The following ARAP1 variants were observed in gnomAD, a reference collection of about 807,000 sequenced individuals.
ARAP1 encodes ArfGAP with RhoGAP domain, ankyrin repeat and PH domain 1.
Under a neutral mutation model 172.2 loss-of-function variants are expected in ARAP1, and 76 were observed. The observed-to-expected ratio is 0.44, with a 90% CI of 0.37 to 0.53. The LOEUF is 0.53. Among genes scored for constraint, ARAP1 ranks in the 20% least tolerant of loss-of-function variants. The pLI, the probability that ARAP1 is intolerant of heterozygous loss-of-function variation, is 0.00. For missense variants in ARAP1, 1,686 were observed against 1,977.5 expected, an observed-to-expected ratio of 0.85 and a Z score of 2.80; for synonymous variants, 804 against 803.3, an observed-to-expected ratio of 1.00 and a Z score of -0.01.
At chr11:72,736,312 G>A (rs867204523) in intron 1 of ARAP1, among the ~76,000 whole-genome samples, 1 of 145,268 alleles carries the variant, frequency 6.9e-6, no homozygotes, top group African/African-American at 2.6e-5. Context: ...GCATGATCAT[G>A]GCTCACTGCA....
rs1857860429 is a variant in ARAP1 at position 72,731,321 on chromosome 11, T to A, written c.-45+1194A>T. ...TTGGAGGTGGACCTAGTGGGAGGTG[T>A]CTGGGGTCACGGGGACAGATCCCTC... On this transcript the variant is annotated intron_variant, in intron 2 of 34. Transcript: ENST00000393609. Among the ~76,000 whole-genome samples the A allele has an allele frequency of 2.6e-5, 4 of 152,164 alleles. No homozygotes were observed. In the South Asian group the frequency reaches 8.3e-4, roughly 32 times the overall value.
At chr11:72,696,689 C>T (rs999351006) in intron 22 of ARAP1, 35 bp from the exon 23 acceptor site, 1 of 1,523,212 alleles carries the variant, frequency 6.6e-7, no homozygotes, top group Admixed American at 1.9e-5. Flanking sequence ...CAGAAACCCC[C>T]TGTAACTATC....
chr11:72,702,782 A>G, intron 15 of ARAP1, 123 bp downstream of exon 15: 1 of 1,254,826 alleles, frequency 8.0e-7, no homozygotes, highest in Non-Finnish European at 1.1e-6. Flanking sequence ...AGCACACCCC[A>G]GCTCACACAT....
In ARAP1 at chr11:72,688,540, G is replaced by A; in HGVS notation, c.3988-3C>T. 6.2e-7 allele frequency: 1 copy of A among 1,611,074 alleles called. No homozygotes were observed. Among genetic ancestry groups the A allele is most frequent in the Non-Finnish European group, 8.5e-7 (1 of 1,178,624 alleles). ...CACTCCTTCTCAGGCCGGTGACTCT[G>A]AGGTAGGGCAAGGAGAAGAGGGCAC... On this transcript the variant is annotated splice_polypyrimidine_tract_variant and splice_region_variant and intron_variant, in intron 30 of 34. Transcript: ENST00000393609.
At chr11:72,707,431 A>AT in intron 11 of ARAP1, 57 bp from the exon 12 acceptor site, 1 of 1,509,232 alleles carries the variant, frequency 6.6e-7, no homozygotes, top group Non-Finnish European at 9.0e-7. Flanking sequence ...ATTTGGGGGC[A>AT]GCATGAGGAT....
chr11:72,724,370 T>C, intron 3 of ARAP1, among the ~76,000 whole-genome samples: 1 of 152,000 alleles, frequency 6.6e-6, no homozygotes, highest in Non-Finnish European at 1.5e-5. Flanking sequence ...AGAGAGTGAG[T>C]TCCCCATCAT....
chr11:72,693,337 G>A lies in ARAP1; in HGVS notation c.3942C>T (p.Tyr1314=). ...FILNSSCLRL[Y]KEVRSQRPWS... is the part of the protein sequence containing the mutation. ...CGGGGCCACTTACCCGGACCTCCTT[G>A]TAGAGCCGCAAGCAGCTGCTGTTGA... The change falls in exon 29 of 35, where the codon TAC becomes TAT. Residue 1314 remains tyrosine (Y), a synonymous_variant. Transcript: ENST00000393609. The surrounding 1 kb of genome is among the most constrained non-coding windows in gnomAD (Gnocchi z 4.6). 1 of 1,613,846 alleles carries A rather than the reference G, an allele frequency of 6.2e-7. No homozygotes were observed. Among genetic ancestry groups the A allele is most frequent in the Non-Finnish European group, 8.5e-7 (1 of 1,179,794 alleles).
chr11:72,705,660 A>C, intron 13 of ARAP1, 145 bp downstream of exon 13: 1 of 843,144 alleles, frequency 1.2e-6, no homozygotes, highest in Non-Finnish European at 1.8e-6. Flanking sequence ...GCTTTTCCGA[A>C]ATCCCCACCC....
rs983141883 is a variant in ARAP1, at chr11:72,713,155, C to T, written c.747+21G>A. 9 of 1,612,806 alleles carry T rather than the reference C, an allele frequency of 5.6e-6. No individual in the cohort carries two copies. The African/African-American group carries it at 1.1e-4, about 19-fold the overall frequency. ...CCCCCACAACACCCTGACAGGCAGA[C>T]AGTCCCATGCCTGGCCCCACCTTCT... On this transcript the variant is annotated intron_variant, in intron 5 of 34. Coordinates refer to ENST00000393609, the MANE Select transcript of ARAP1 (RefSeq NM_001040118.3).
Position 72,697,700 on chromosome 11 carries a change from A to G in ARAP1, c.2738-51T>C, listed in dbSNP as rs79655477. The stretch of plus-strand genomic sequence containing the variant: ...GCCCAGGTCTTGCTCCTGATCCCCA[A>G]CCTGCTCCCTCCCTCTGTGAGCACA... On this transcript the variant is annotated intron_variant, in intron 19 of 34. Coordinates refer to ENST00000393609, the MANE Select transcript of ARAP1 (RefSeq NM_001040118.3). The G allele has an allele frequency of 5.9e-3, 9,455 of 1,608,336 alleles. 502 individuals carry two copies. In the African/African-American group the frequency reaches 0.11, roughly 19 times the overall value.
chr11:72,719,597 G>T (rs1436881147), intron 3 of ARAP1, among the ~76,000 whole-genome samples: 1 of 152,366 alleles, frequency 6.6e-6, no homozygotes, highest in East Asian at 1.9e-4. Context: ...TACAGGCTGA[G>T]CCAGGAACCA....
intron 14 of ARAP1, 87 bp downstream of exon 14, chr11:72,704,065 G>T: frequency 6.5e-7 from 1 of 1,530,600 alleles, no homozygotes; most frequent in Non-Finnish European, 9.0e-7. Flanking sequence ...TGAGCTGGTA[G>T]ATGAGATGGG....
intron 1 of ARAP1, among the ~76,000 whole-genome samples, chr11:72,740,826 G>A (rs1027832085): frequency 4.6e-5 from 7 of 152,094 alleles, no homozygotes; most frequent in Non-Finnish European, 8.8e-5. Flanking sequence ...CAGGGTCCCC[G>A]AGGTTTGTCC....
At chr11:72,730,323 T>A (rs2135576467) in intron 2 of ARAP1, among the ~76,000 whole-genome samples, 1 of 152,320 alleles carries the variant, frequency 6.6e-6, no homozygotes, top group South Asian at 2.1e-4. Context: ...TTTCTACCTA[T>A]CAGATTGTCA....
chr11:72,685,522 A>T lies in ARAP1; in HGVS notation c.*142T>A. 3 of 1,179,182 alleles carry T rather than the reference A, an allele frequency of 2.5e-6. No homozygotes were observed. The highest frequency in any genetic ancestry group is 3.7e-6 in the Non-Finnish European group (3 of 802,820). The allele number at this position is 1,179,182 out of a possible 1,614,324, so 73.0% of individuals were successfully genotyped here. On this transcript the variant is annotated 3_prime_UTR_variant, in exon 35 of 35. Coordinates refer to ENST00000393609, the MANE Select transcript of ARAP1 (RefSeq NM_001040118.3). ...CCCCTGCCGGGGAACCCCATGCTGC[A>T]GTCAGGATGGAGGATGTGGGTTGTG...
In ARAP1 at chr11:72,695,601, G is replaced by T. The variant is rs372334680; in HGVS notation, c.3448C>A (p.Arg1150=). ...TTCACAATGGCAGTGATCTCCTCCC[G>T]CTGCTTCCTGAGCTCTTCCTCATCC... ...SVDEEELRKQ[R]EEITAIVKMR... The change falls in exon 25 of 35, where the codon CGG becomes AGG. Residue 1150 remains arginine, a synonymous_variant. Coordinates refer to ENST00000393609, the MANE Select transcript of ARAP1 (RefSeq NM_001040118.3). This position sits in a 1 kb window ranked among gnomAD's most constrained non-coding sequence, Gnocchi z 4.4. 2 of 1,613,992 alleles carry T rather than the reference G, an allele frequency of 1.2e-6. No homozygotes were observed. The highest frequency in any genetic ancestry group is 1.7e-6 in the Non-Finnish European group (2 of 1,180,024).
intron 3 of ARAP1, among the ~76,000 whole-genome samples, chr11:72,723,728 C>T (rs189240168): frequency 7.9e-5 from 12 of 152,272 alleles, no homozygotes; most frequent in Admixed American, 2.6e-4. Flanking sequence ...CACAAGCTCA[C>T]GTTGGCAATC....
At chr11:72,701,263 G>T (rs369865907) in intron 16 of ARAP1, among the ~76,000 whole-genome samples, 4 of 152,038 alleles carry the variant, frequency 2.6e-5, no homozygotes, top group African/African-American at 9.7e-5. Context: ...CCAACTGTGC[G>T]GGCTCTTGTG....
Position 72,749,655 on chromosome 11 carries a change from G to A in ARAP1, c.-128+2673C>T, listed in dbSNP as rs375098169. Among the ~76,000 whole-genome samples, 8 of 152,118 alleles carry A rather than the reference G, an allele frequency of 5.3e-5. No individual in the cohort carries two copies. The East Asian group carries it at 9.7e-4, about 18-fold the overall frequency. On this transcript the variant is annotated intron_variant, in intron 1 of 34. Coordinates refer to ENST00000393609, the MANE Select transcript of ARAP1 (RefSeq NM_001040118.3). Reference sequence around the variant, plus strand: ...CCCCAGCAGTTTGGGAGGCTGAGGCGGGCAGATCACGAGGTCAGGAGATTG... The same window carrying A: ...CCCCAGCAGTTTGGGAGGCTGAGGCAGGCAGATCACGAGGTCAGGAGATTG...
Sources: allele counts gnomAD v4.1 joint callset (sites outside exome capture counted in the v4.1 genomes callset), GRCh38; gene constraint gnomAD v4.1.1; non-coding constraint Gnocchi (gnomAD v3.1); transcripts MANE v1.5; gene names NCBI Gene and HGNC (gene_info 2026-07-23, HGNC 2026-07-21).